Variants in CAMKMT observed in about 807,000 individuals in gnomAD.
CAMKMT encodes the protein calmodulin-lysine N-methyltransferase.
CAMKMT carries 53 observed loss-of-function variants against 48.0 expected under a neutral mutation model. The ratio of observed to expected loss-of-function variants is 1.10; its 90% CI spans 0.89 to 1.39. The LOEUF (loss-of-function observed/expected upper bound fraction) is 1.39. Among genes scored for constraint, CAMKMT ranks in the 40% most tolerant of loss-of-function variants. The pLI is 0.00. For missense variants in CAMKMT, 428 were observed against 402.7 expected, an observed-to-expected ratio of 1.06 and a Z score of -0.54; for synonymous variants, 165 against 152.3, an observed-to-expected ratio of 1.08 and a Z score of -0.61.
At chr2:44,554,482 T>C (rs1667902059) in intron 3 of CAMKMT, among the ~76,000 whole-genome samples, 1 of 152,160 alleles carries the variant, frequency 6.6e-6, no homozygotes, top group Admixed American at 6.5e-5. Context: ...ATGCCTGTAA[T>C]CCTGACAGTT....
intron 3 of CAMKMT, among the ~76,000 whole-genome samples, chr2:44,531,523 A>T (rs1369165870): frequency 1.3e-5 from 2 of 152,198 alleles, no homozygotes; most frequent in Non-Finnish European, 2.9e-5. Flanking sequence ...GACAGCTGAC[A>T]TTATATTCAT....
At chr2:44,689,014 GA>G (rs2104211059) in intron 3 of CAMKMT, among the ~76,000 whole-genome samples, 1 of 152,256 alleles carries the variant, frequency 6.6e-6, no homozygotes, top group East Asian at 1.9e-4. Flanking sequence ...ACCTGCAAAT[GA>G]GATAAAGCTG....
chr2:44,400,928 G>GTATATATA (rs1244824905), intron 3 of CAMKMT: 97 of 74,032 alleles, frequency 1.3e-3, no homozygotes, highest in South Asian at 2.4e-3. Context: ...ACTTATGTGT[G>GTATATATA]TGTATATATA....
At chr2:44,577,881 T>C (rs571187867) in intron 3 of CAMKMT, among the ~76,000 whole-genome samples, 7 of 152,312 alleles carry the variant, frequency 4.6e-5, no homozygotes, top group Admixed American at 3.3e-4. Flanking sequence ...TTGTATCTCC[T>C]AGTGACTCCC....
chr2:44,681,571 T>G (rs1264808322), intron 3 of CAMKMT, among the ~76,000 whole-genome samples: 1 of 145,510 alleles, frequency 6.9e-6, no homozygotes, highest in African/African-American at 2.6e-5. Flanking sequence ...GGGAGGGGAA[T>G]GGGGAAGAAG....
chr2:44,648,840 T>C (rs1468349368), intron 3 of CAMKMT, among the ~76,000 whole-genome samples: 2 of 152,152 alleles, frequency 1.3e-5, no homozygotes, highest in African/African-American at 4.8e-5. Context: ...CAAATAAATA[T>C]ACAATCTAAG....
chr2:44,522,007 C>G (rs1671139044), intron 3 of CAMKMT, among the ~76,000 whole-genome samples: 1 of 149,842 alleles, frequency 6.7e-6, no homozygotes, highest in Non-Finnish European at 1.5e-5. Flanking sequence ...TCTTTTCTTT[C>G]TTTCTTTTTT....
intron 2 of CAMKMT, among the ~76,000 whole-genome samples, chr2:44,379,767 T>A (rs557659386): frequency 1.8e-4 from 27 of 152,164 alleles, no homozygotes; most frequent in African/African-American, 6.5e-4. Context: ...GCTTTTTTTT[T>A]AATGTTTTAT....
At chr2:44,650,471 T>C (rs1049474929) in intron 3 of CAMKMT, among the ~76,000 whole-genome samples, 1 of 152,230 alleles carries the variant, frequency 6.6e-6, no homozygotes, top group African/African-American at 2.4e-5. Flanking sequence ...CATAATATCA[T>C]TGCTTTGTGC....
chr2:44,479,120 A>G (rs763139860), intron 3 of CAMKMT, among the ~76,000 whole-genome samples: 3 of 152,246 alleles, frequency 2.0e-5, no homozygotes, highest in Admixed American at 6.5e-5. Context: ...CTTGCTTAAT[A>G]TTAGTTACCT....
chr2:44,433,477 A>G (rs1065786), intron 3 of CAMKMT, among the ~76,000 whole-genome samples: 20 of 151,940 alleles, frequency 1.3e-4, no homozygotes, highest in African/African-American at 4.1e-4. Context: ...ATACGAAAAG[A>G]TGTTTTGTAG....
At chr2:44,504,983 A>C (rs1302300405) in intron 3 of CAMKMT, among the ~76,000 whole-genome samples, 1 of 152,128 alleles carries the variant, frequency 6.6e-6, no homozygotes, top group African/African-American at 2.4e-5. Flanking sequence ...GCCAGTGTGC[A>C]CAGAGGTCAT....
chr2:44,503,689 CAAACCCAGT>C (rs1388977222), intron 3 of CAMKMT, among the ~76,000 whole-genome samples: 1 of 152,090 alleles, frequency 6.6e-6, no homozygotes, highest in Non-Finnish European at 1.5e-5. Flanking sequence ...GAAGTCTGTC[CAAACCCAGT>C]GTGACAGAGT....
intron 9 of CAMKMT, among the ~76,000 whole-genome samples, chr2:44,758,996 C>T (rs1680499986): frequency 6.6e-6 from 1 of 152,230 alleles, no homozygotes; most frequent in South Asian, 2.1e-4. Flanking sequence ...GTCAAGAATT[C>T]AGAAATATCA....
intron 3 of CAMKMT, among the ~76,000 whole-genome samples, chr2:44,494,759 A>G (rs951707602): frequency 6.6e-6 from 1 of 152,208 alleles, no homozygotes; most frequent in African/African-American, 2.4e-5. Context: ...TAAGGTTTAG[A>G]TAGAATTATT....
At chr2:44,659,647 G>A (rs1278689245) in intron 3 of CAMKMT, among the ~76,000 whole-genome samples, 1 of 151,698 alleles carries the variant, frequency 6.6e-6, no homozygotes, top group African/African-American at 2.4e-5. Context: ...TCTCTTTATG[G>A]TACTTTATAG....
chr2:44,768,653 C>T (rs778232026), intron 10 of CAMKMT, among the ~76,000 whole-genome samples: 13 of 152,284 alleles, frequency 8.5e-5, no homozygotes, highest in Non-Finnish European at 1.8e-4. Flanking sequence ...ACCCCTGCCC[C>T]TCCAGCCCTG....
intron 3 of CAMKMT, among the ~76,000 whole-genome samples, chr2:44,473,393 C>A (rs550850667): frequency 4.5e-4 from 69 of 152,184 alleles, no homozygotes; most frequent in African/African-American, 1.6e-3. Context: ...AAGAAATAAT[C>A]CCATTATTGA....
chr2:44,413,038 C>G (rs545732854), intron 3 of CAMKMT, among the ~76,000 whole-genome samples: 37 of 151,500 alleles, frequency 2.4e-4, no homozygotes, highest in African/African-American at 8.7e-4. Flanking sequence ...ATTGTGCCAC[C>G]ACACTCCAGC....
Sources: gnomAD v4.1 joint callset for allele counts (sites outside exome capture counted in the v4.1 genomes callset) on GRCh38, gnomAD v4.1.1 for gene constraint, MANE v1.5 for transcripts, NCBI Gene and HGNC (gene_info 2026-07-23, HGNC 2026-07-21) for gene names.